NSF: variants seen among roughly 807,000 people sequenced by gnomAD.
NSF encodes the protein vesicle-fusing ATPase.
Under a neutral mutation model 50.3 loss-of-function variants are expected in NSF, and 14 were observed. The ratio of observed to expected loss-of-function variants is 0.28; its 90% CI spans 0.18 to 0.44. NSF has a LOEUF of 0.44. NSF is among the 20% of genes least tolerant of loss of function. The probability of loss-of-function intolerance (pLI) is 1.00; values close to 1 mark genes in which losing one functional copy is unlikely to be tolerated. For missense variants in NSF, 218 were observed against 504.3 expected (o/e 0.43, Z 5.44); for synonymous variants, 109 against 175.7 (o/e 0.62, Z 3.00).
chr17:46,723,729 T>C (rs1432009257), intron 15 of NSF, among the ~76,000 whole-genome samples: 1 of 152,134 alleles, frequency 6.6e-6, no homozygotes, highest in Non-Finnish European at 1.5e-5. Context: ...TTTCAGTTCC[T>C]CCTCCTAAAC....
intron 17 of NSF, among the ~76,000 whole-genome samples, chr17:46,734,913 T>C (rs1001945776): frequency 7.9e-5 from 12 of 152,196 alleles, no homozygotes; most frequent in African/African-American, 2.9e-4. Context: ...TAGTCGAATG[T>C]GGTGGTGAGC....
intron 1 of NSF, among the ~76,000 whole-genome samples, chr17:46,606,083 G>C (rs1252101305): frequency 3.2e-5 from 3 of 93,578 alleles, no homozygotes; most frequent in African/African-American, 5.3e-5. Context: ...GGAGGCTGAG[G>C]TAGGAGAATT....
At chr17:46,748,201 C>T (rs566769374) in intron 17 of NSF, among the ~76,000 whole-genome samples, 47 of 152,156 alleles carry the variant, frequency 3.1e-4, no homozygotes, top group Non-Finnish European at 5.9e-4. Context: ...CAACTTCTGA[C>T]TCTTGGGTTC....
At chr17:46,609,923 T>C (rs1224590901) in intron 1 of NSF, among the ~76,000 whole-genome samples, 2 of 143,120 alleles carry the variant, frequency 1.4e-5, no homozygotes, top group Non-Finnish European at 3.1e-5. Flanking sequence ...CCTCCTGGGC[T>C]CAAACCTCTC....
At chr17:46,675,673 A>G (rs1255618813) in intron 9 of NSF, among the ~76,000 whole-genome samples, 3 of 136,422 alleles carry the variant, frequency 2.2e-5, no homozygotes, top group African/African-American at 8.8e-5. Context: ...CGAACATTCT[A>G]TTGGTTCTGT....
intron 19 of NSF, among the ~76,000 whole-genome samples, chr17:46,754,464 C>T (rs757714559): frequency 1.3e-5 from 2 of 152,076 alleles, no homozygotes; most frequent in Non-Finnish European, 2.9e-5. Context: ...GAAACAGACT[C>T]CTGCTCTGAA....
intron 17 of NSF, among the ~76,000 whole-genome samples, chr17:46,731,561 C>T (rs2058949107): frequency 6.6e-6 from 1 of 152,098 alleles, no homozygotes; most frequent in African/African-American, 2.4e-5. Flanking sequence ...TGAAAGGAGA[C>T]ATAGAGTTAG....
chr17:46,742,548 T>A (rs1321109896), intron 17 of NSF, among the ~76,000 whole-genome samples: 4 of 152,128 alleles, frequency 2.6e-5, no homozygotes, highest in Non-Finnish European at 5.9e-5. Flanking sequence ...CGATCCAAAC[T>A]GGAGGAGGGA....
intron 14 of NSF, 38 bp downstream of exon 14, chr17:46,711,157 G>A: frequency 1.4e-6 from 2 of 1,452,358 alleles, no homozygotes; most frequent in Admixed American, 5.8e-5. Context: ...AAAGTTAAAG[G>A]AAAAAAAGCA....
At chr17:46,722,219 T>C in intron 15 of NSF, 1 of 1,433,738 alleles carries the variant, frequency 7.0e-7, no homozygotes, top group Non-Finnish European at 9.8e-7. Context: ...GACCCAAATC[T>C]CGCGAGAGCA....
At chr17:46,739,705 C>A (rs2059049613) in intron 17 of NSF, among the ~76,000 whole-genome samples, 1 of 150,724 alleles carries the variant, frequency 6.6e-6, no homozygotes, top group African/African-American at 2.5e-5. Context: ...TTAATATTTT[C>A]TTCCACCAAA....
At chr17:46,727,180 A>G (rs915941876) in intron 16 of NSF, among the ~76,000 whole-genome samples, 1 of 152,214 alleles carries the variant, frequency 6.6e-6, no homozygotes, top group African/African-American at 2.4e-5. Flanking sequence ...AGTGCAGTAT[A>G]GTAATTTTTA....
chr17:46,720,306 C>G (rs1180389143), intron 15 of NSF, among the ~76,000 whole-genome samples: 2 of 152,028 alleles, frequency 1.3e-5, no homozygotes, highest in Non-Finnish European at 2.9e-5. Context: ...TACACTGTGT[C>G]TTTTGGCATT....
intron 15 of NSF, among the ~76,000 whole-genome samples, chr17:46,715,362 A>T (rs560300887): frequency 1.2e-4 from 18 of 152,258 alleles, no homozygotes; most frequent in Non-Finnish European, 2.1e-4. Context: ...TTTCCCTCTG[A>T]TGGGAACCCT....
At chr17:46,723,753 G>T (rs974857887) in intron 15 of NSF, among the ~76,000 whole-genome samples, 1 of 152,074 alleles carries the variant, frequency 6.6e-6, no homozygotes, top group African/African-American at 2.4e-5. Flanking sequence ...TCTAGATTCT[G>T]TCCACTTACC....
chr17:46,741,396 T>C (rs1433110800), intron 17 of NSF, among the ~76,000 whole-genome samples: 1 of 152,224 alleles, frequency 6.6e-6, no homozygotes. Context: ...ATATTCAGTC[T>C]GTATCATGAA....
chr17:46,695,171 A>G (rs1365122950), intron 12 of NSF, among the ~76,000 whole-genome samples: 2 of 114,612 alleles, frequency 1.7e-5, no homozygotes, highest in Non-Finnish European at 3.5e-5. Flanking sequence ...GTGTGAACCC[A>G]GGAGGCAGAG....
At chr17:46,755,682 T>C (rs1055420619) in intron 20 of NSF, 120 bp from the exon 21 acceptor site, 5 of 1,100,112 alleles carry the variant, frequency 4.5e-6, no homozygotes, top group Non-Finnish European at 2.6e-6. Context: ...AGCAAATGCA[T>C]AGTGGGAAAT....
At chr17:46,710,038 C>T (rs1372343110) in intron 13 of NSF, among the ~76,000 whole-genome samples, 1 of 152,070 alleles carries the variant, frequency 6.6e-6, no homozygotes, top group Non-Finnish European at 1.5e-5. Context: ...ACAAAAACAG[C>T]TTTATGTGAG....
Sources: gnomAD v4.1 joint callset for allele counts (sites outside exome capture counted in the v4.1 genomes callset) on GRCh38, gnomAD v4.1.1 for gene constraint, MANE v1.5 for transcripts, NCBI Gene and HGNC (gene_info 2026-07-23, HGNC 2026-07-21) for gene names.